SUN1: variants seen among roughly 807,000 people sequenced by gnomAD.
The protein encoded by SUN1 is SUN domain-containing protein 1.
A neutral mutation model predicts 103.2 loss-of-function variants in SUN1; 61 were observed. The observed-to-expected ratio is 0.59, with a 90% CI of 0.48 to 0.73. The LOEUF is 0.73. Ranked by LOEUF, SUN1 falls within the 30% of genes least tolerant of loss-of-function variation. The pLI, the probability that SUN1 is intolerant of heterozygous loss-of-function variation, is 0.00. For missense variants in SUN1, 1,052 were observed against 1,034.6 expected, an observed-to-expected ratio of 1.02 and a Z score of -0.23; for synonymous variants, 490 against 425.7, an observed-to-expected ratio of 1.15 and a Z score of -1.86.
chr7:852,122 T>G, intron 7 of SUN1, 79 bp downstream of exon 7: 1 of 1,272,712 alleles, frequency 7.9e-7, no homozygotes, highest in Non-Finnish European at 1.1e-6. Context: ...ATTTGATTTG[T>G]TATTTTGTAA....
intron 17 of SUN1, among the ~76,000 whole-genome samples, chr7:871,407 G>T (rs1841564974): frequency 6.6e-6 from 1 of 151,860 alleles, no homozygotes; most frequent in African/African-American, 2.4e-5. Context: ...TTTATTTTTT[G>T]AGACCGAGTC....
chr7:850,910 T>A (rs1321703994), intron 5 of SUN1: 1 of 153,244 alleles, frequency 6.5e-6, no homozygotes, highest in Admixed American at 6.5e-5. Context: ...TCTGAAACAC[T>A]GTTTCACTAG....
In SUN1 at chr7:857,952, G is replaced by C. The variant is rs775324610; in HGVS notation, c.1519G>C (p.Glu507Gln). 31 of 1,565,024 alleles carry C rather than the reference G, an allele frequency of 2.0e-5. No homozygotes were observed. The African/African-American group carries it at 3.9e-4, about 20-fold the overall frequency. The change falls in exon 13 of 19, where the codon GAA becomes CAA. Residue 507 changes from glutamate to glutamine, a missense_variant. Glu to Gln is a conservative substitution (Grantham distance 29, BLOSUM62 2). Coordinates refer to ENST00000401592, the MANE Select transcript of SUN1 (RefSeq NM_001130965.3). ...CTGTGAGACAGTGGATGCCGTACAAGAAAGAGTGAGCTTTCTGCATGTTTA... is the reference window on the plus strand; with the variant it reads ...CTGTGAGACAGTGGATGCCGTACAACAAAGAGTGAGCTTTCTGCATGTTTA... ...TGCETVDAVQERVDVQVREMV... is the reference protein window; with the variant it reads ...TGCETVDAVQQRVDVQVREMV...
intron 17 of SUN1, 32 bp downstream of exon 17, chr7:869,548 A>AGG: frequency 6.2e-7 from 1 of 1,601,000 alleles, no homozygotes; most frequent in South Asian, 1.1e-5. Flanking sequence ...TCCTCCTCCC[A>AGG]CACCTTCCTG....
chr7:865,877 C>T (rs1283476146), intron 15 of SUN1, 75 bp from the exon 16 acceptor site: 2 of 1,206,124 alleles, frequency 1.7e-6, no homozygotes, highest in Non-Finnish European at 2.5e-6. Flanking sequence ...TTTAATAAAT[C>T]CTGAAGTGGT....
chr7:835,101 T>G (rs143471672), intron 1 of SUN1, among the ~76,000 whole-genome samples: 1 of 152,328 alleles, frequency 6.6e-6, no homozygotes, highest in East Asian at 1.9e-4. Flanking sequence ...TAAAATTTTT[T>G]TTCTCTTTTG....
intron 5 of SUN1, chr7:848,735 C>G (rs1818985232): frequency 1.7e-6 from 1 of 590,004 alleles, no homozygotes; most frequent in Admixed American, 3.8e-5. Flanking sequence ...TTGGTGCTGG[C>G]TCTCTCCTGG....
chr7:828,110 C>G (rs1012925512), upstream of SUN1, among the ~76,000 whole-genome samples: 1 of 150,362 alleles, frequency 6.7e-6, no homozygotes, highest in Non-Finnish European at 1.5e-5. Flanking sequence ...CACCATGTTG[C>G]CCAGGCTGGT....
chr7:861,270 G>A (rs1165405446), intron 14 of SUN1, 110 bp from the exon 15 acceptor site: 9 of 1,086,822 alleles, frequency 8.3e-6, no homozygotes, highest in Middle Eastern at 2.9e-4. Context: ...CATAGTTTCC[G>A]TTGAGAAGAT....
At chr7:836,717 T>C (rs1803591767) in intron 1 of SUN1, among the ~76,000 whole-genome samples, 1 of 152,148 alleles carries the variant, frequency 6.6e-6, no homozygotes, top group African/African-American at 2.4e-5. Context: ...GTTACTGTCA[T>C]CCAGAAATAA....
chr7:869,384 AG>A lies in SUN1; in HGVS notation c.2018del (p.Gly673AlafsTer8), dbSNP rs760070916. ...ACCCCGGTAACTGCTGGGCATTTAA[AG>A]GCTCCCAGGGGTACCTGGTGGTGAG... ...IYPGNCWAFK[G>X]SQGYLVVRLS... is the part of the protein sequence containing the mutation. On this transcript the variant is annotated frameshift_variant, in exon 17 of 19. Coordinates refer to ENST00000401592, the MANE Select transcript of SUN1 (RefSeq NM_001130965.3). LOFTEE classifies it high-confidence loss of function. The A allele has an allele frequency of 3.1e-6, 5 of 1,613,730 alleles. No individual in the cohort carries two copies. The highest frequency in any genetic ancestry group is 4.2e-6 in the Non-Finnish European group (5 of 1,179,814).
At position 854,714 on chromosome 7, in the gene SUN1, A is replaced by AAT. The variant is rs143475526; in HGVS notation, c.1264-196_1264-195dup. On this transcript the variant is annotated intron_variant, in intron 10 of 18. Transcript: ENST00000401592. ...CAGGCTGGAGTGCAACCTTAAAATA[A>AAT]ATATATATATAAATAAAGACCTCTG... Among the ~76,000 whole-genome samples, 1,149 of 152,306 alleles carry AAT rather than the reference A, an allele frequency of 7.5e-3. 49 individuals are homozygous for AAT. The East Asian group carries it at 0.14, about 18-fold the overall frequency.
Position 853,490 on chromosome 7 carries a change from C to T in SUN1, c.1135C>T (p.His379Tyr). The T allele has an allele frequency of 6.2e-7, 1 of 1,614,062 alleles. No individual in the cohort carries two copies. Among genetic ancestry groups the T allele is most frequent in the Non-Finnish European group, 8.5e-7 (1 of 1,180,052 alleles). Residue 379 changes from histidine (H) to tyrosine (Y), a missense_variant, in exon 10 of 19, where the codon CAT becomes TAT. His to Tyr is a moderately conservative substitution (Grantham distance 83, BLOSUM62 2). Transcript: ENST00000401592. ...VASLSGQCHH[H>Y]GENLRELTTL... ...CTCTCTGTCTGGACAGTGCCACCAC[C>T]ATGGTGAGAATCTCCGAGAGCTGAC... is the stretch of plus-strand genomic sequence containing the variant.
At chr7:824,862 G>A (rs1451827735) in intron 1 of SUN1, among the ~76,000 whole-genome samples, 4 of 152,110 alleles carry the variant, frequency 2.6e-5, no homozygotes, top group South Asian at 2.1e-4. Flanking sequence ...GGCGGGTGCG[G>A]GGTGGGGGCG....
intron 1 of SUN1, among the ~76,000 whole-genome samples, chr7:822,026 G>C (rs752321640): frequency 3.9e-5 from 6 of 152,158 alleles, no homozygotes; most frequent in African/African-American, 9.7e-5. Flanking sequence ...TGTGGAGCTC[G>C]TTGCTATTTT....
rs756560984 is a variant in SUN1, at chr7:857,924, C to T, written c.1491C>T (p.Thr497=). 5.1e-5 allele frequency: 82 copies of T among 1,596,726 alleles called. No homozygotes were observed. Among genetic ancestry groups the T allele is most frequent in the Admixed American group, 1.0e-4 (6 of 59,314 alleles). The part of the protein sequence containing the change: ...SELSSWRHVK[T]GCETVDAVQE... Reference sequence around the variant, plus strand: ...TGTCCAGCTGGCGACACGTGAAGACCGGCTGTGAGACAGTGGATGCCGTAC... The same window carrying T: ...TGTCCAGCTGGCGACACGTGAAGACTGGCTGTGAGACAGTGGATGCCGTAC... The change falls in exon 13 of 19, where the codon ACC becomes ACT. Residue 497 remains threonine, a synonymous_variant. Transcript: ENST00000401592.
upstream of SUN1, among the ~76,000 whole-genome samples, chr7:829,495 G>A (rs768990205): frequency 1.3e-5 from 2 of 152,110 alleles, no homozygotes; most frequent in Non-Finnish European, 2.9e-5. Flanking sequence ...ATTTAGGGTA[G>A]GGTGAACAAA....
chr7:848,073 T>A (rs1818098270), intron 5 of SUN1, among the ~76,000 whole-genome samples: 2 of 151,266 alleles, frequency 1.3e-5, no homozygotes, highest in African/African-American at 4.9e-5. Flanking sequence ...CGCAGCGCCC[T>A]CTCTGGGATC....
In SUN1 at chr7:860,262, C is replaced by T. The variant is rs752578715; in HGVS notation, c.1659C>T (p.Asp553=). The T allele has an allele frequency of 8.1e-6, 13 of 1,614,144 alleles. No individual in the cohort carries two copies. In the Admixed American group the frequency reaches 2.2e-4, roughly 27 times the overall value. Residue 553 remains aspartate, a synonymous_variant, in exon 14 of 19, where the codon GAC becomes GAT. Coordinates refer to ENST00000401592, the MANE Select transcript of SUN1 (RefSeq NM_001130965.3). ...SKGDLQTMLR[D]LQLQILRNVT... Reference sequence around the variant, plus strand: ...GCGACTTGCAGACGATGCTGCGAGACCTGCAGCTGCAGATCCTGCGGAACG... The same window carrying T: ...GCGACTTGCAGACGATGCTGCGAGATCTGCAGCTGCAGATCCTGCGGAACG...
Sources: gnomAD v4.1 joint callset for allele counts (sites outside exome capture counted in the v4.1 genomes callset) on GRCh38, gnomAD v4.1.1 for gene constraint, MANE v1.5 for transcripts, NCBI Gene and HGNC (gene_info 2026-07-23, HGNC 2026-07-21) for gene names.